CSMD1: variants seen among roughly 807,000 people sequenced by gnomAD.
CSMD1 encodes the protein CUB and sushi domain-containing protein 1.
CSMD1 carries 213 observed loss-of-function variants against 417.5 expected under a neutral mutation model. That is an observed-to-expected ratio of 0.51 (90% confidence interval 0.46 to 0.57). CSMD1 has a LOEUF of 0.57. Among genes scored for constraint, CSMD1 ranks in the 20% least tolerant of loss-of-function variants. CSMD1 has a pLI of 0.00. For missense variants in CSMD1, 6,923 were observed against 4,529.7 expected (o/e 1.53, Z -15.17); for synonymous variants, 2,862 against 1,736.8 (o/e 1.65, Z -16.11).
Position 4,504,577 on chromosome 8 carries a change from C to T in CSMD1, c.303-84512G>A, listed in dbSNP as rs564169408. On this transcript the variant is annotated intron_variant, in intron 2 of 69. Coordinates refer to ENST00000635120, the MANE Select transcript of CSMD1 (RefSeq NM_033225.6). ...TTTGCTGCACCTATCAACCCATCAT[C>T]TAGGTTTTAAGCCTCGCATGCATTA... Among the ~76,000 whole-genome samples the T allele has an allele frequency of 3.3e-5, 5 of 152,270 alleles. No individual in the cohort carries two copies. In the South Asian group the frequency reaches 1.0e-3, roughly 32 times the overall value.
chr8:3,776,838 A>G (rs1798917800), intron 5 of CSMD1, among the ~76,000 whole-genome samples: 1 of 151,562 alleles, frequency 6.6e-6, no homozygotes, highest in Admixed American at 6.6e-5. Context: ...ATGACAGATC[A>G]TACATAGAAT....
intron 68 of CSMD1, among the ~76,000 whole-genome samples, chr8:2,948,580 T>C (rs924728230): frequency 1.3e-5 from 2 of 152,158 alleles, no homozygotes; most frequent in Admixed American, 6.6e-5. Context: ...GTTTCATAGG[T>C]AGTATAATTT....
rs567017437 is a variant in CSMD1, at chr8:3,908,656, G to C, written c.818+89247C>G. ...CTGTCTTATTTTTTGTAATTGCTCT[G>C]CAGGGCCTACTCCAATAACATGAAA... is the stretch of plus-strand genomic sequence containing the variant. On this transcript the variant is annotated intron_variant, in intron 5 of 69. Transcript: ENST00000635120. Among the ~76,000 whole-genome samples the C allele has an allele frequency of 7.6e-4, 115 of 152,162 alleles. 1 individual carries two copies. The South Asian group carries it at 9.8e-3, about 13-fold the overall frequency.
At chr8:4,669,182 T>C (rs1323062592) in intron 1 of CSMD1, among the ~76,000 whole-genome samples, 1 of 152,216 alleles carries the variant, frequency 6.6e-6, no homozygotes, top group South Asian at 2.1e-4. Context: ...GTGAATACTT[T>C]GCCTTCTCTT....
intron 3 of CSMD1, among the ~76,000 whole-genome samples, chr8:4,263,469 C>T (rs1307156937): frequency 1.3e-5 from 2 of 152,142 alleles, no homozygotes; most frequent in Admixed American, 6.6e-5. Flanking sequence ...GTTGTTCCTT[C>T]CAAACTAGTC....
intron 10 of CSMD1, among the ~76,000 whole-genome samples, chr8:3,508,332 G>A (rs1294267061): frequency 7.1e-6 from 1 of 141,680 alleles, no homozygotes; most frequent in African/African-American, 2.6e-5. Flanking sequence ...ACAGGAAGGG[G>A]AACATCACAC....
At chr8:4,392,517 G>A (rs756461681) in intron 3 of CSMD1, among the ~76,000 whole-genome samples, 1 of 152,102 alleles carries the variant, frequency 6.6e-6, no homozygotes, top group Non-Finnish European at 1.5e-5. Flanking sequence ...CACGGTTTGT[G>A]TGTGGAGATG....
chr8:3,911,960 C>T (rs527577339), intron 5 of CSMD1, among the ~76,000 whole-genome samples: 3 of 152,192 alleles, frequency 2.0e-5, no homozygotes, highest in South Asian at 4.1e-4. Flanking sequence ...CTGAATCTTA[C>T]ATCTTCCCAC....
chr8:4,378,739 G>C (rs1210422973), intron 3 of CSMD1, among the ~76,000 whole-genome samples: 1 of 152,196 alleles, frequency 6.6e-6, no homozygotes. Flanking sequence ...AGGCCTTTGG[G>C]AGATTATGAG....
At chr8:3,727,531 C>T (rs1404560878) in intron 6 of CSMD1, among the ~76,000 whole-genome samples, 2 of 152,096 alleles carry the variant, frequency 1.3e-5, no homozygotes, top group Non-Finnish European at 2.9e-5. Context: ...TAAAATGAGG[C>T]AGCTGTCGTG....
chr8:4,440,744 C>T lies in CSMD1; in HGVS notation c.303-20679G>A, dbSNP rs188918351. ...GGTGTGGTGGTTCATGCCTATAATCCCAGCATTTTGGGAGGCCAGTGCGAG... is the reference window on the plus strand; with the variant it reads ...GGTGTGGTGGTTCATGCCTATAATCTCAGCATTTTGGGAGGCCAGTGCGAG... On this transcript the variant is annotated intron_variant, in intron 2 of 69. Coordinates refer to ENST00000635120, the MANE Select transcript of CSMD1 (RefSeq NM_033225.6). Among the ~76,000 whole-genome samples, 785 of 151,940 alleles carry T rather than the reference C, an allele frequency of 5.2e-3. 4 individuals are homozygous for T. The highest frequency in any genetic ancestry group is 0.018 in the African/African-American group (752 of 41,440).
At chr8:3,909,758 G>C (rs1230019937) in intron 5 of CSMD1, among the ~76,000 whole-genome samples, 1 of 152,108 alleles carries the variant, frequency 6.6e-6, no homozygotes, top group Admixed American at 6.6e-5. Flanking sequence ...TGACTCTGGA[G>C]CTAATACGAA....
chr8:3,119,664 G>A (rs955658229), intron 41 of CSMD1, among the ~76,000 whole-genome samples: 3 of 152,178 alleles, frequency 2.0e-5, no homozygotes, highest in Admixed American at 1.3e-4. Context: ...TCTGGGAAGA[G>A]GGCGTGAGTA....
intron 1 of CSMD1, among the ~76,000 whole-genome samples, chr8:4,745,770 C>T (rs563513539): frequency 1.1e-4 from 17 of 152,272 alleles, no homozygotes; most frequent in Non-Finnish European, 1.8e-4. Context: ...TATAGGAACA[C>T]GCATTTTTGA....
chr8:3,485,173 T>C (rs1817954395), intron 11 of CSMD1, among the ~76,000 whole-genome samples: 2 of 152,192 alleles, frequency 1.3e-5, no homozygotes, highest in Admixed American at 6.5e-5. Context: ...TGTCCATCTG[T>C]GGGTGAATAT....
intron 3 of CSMD1, among the ~76,000 whole-genome samples, chr8:4,125,779 G>A (rs1464585460): frequency 6.6e-6 from 1 of 152,060 alleles, no homozygotes; most frequent in Non-Finnish European, 1.5e-5. Flanking sequence ...AACTGATAGA[G>A]CCCTTATCAA....
chr8:3,364,581 A>C (rs1304949956), intron 20 of CSMD1, among the ~76,000 whole-genome samples: 1 of 152,172 alleles, frequency 6.6e-6, no homozygotes, highest in East Asian at 1.9e-4. Context: ...ATGTGCTGGA[A>C]ATTTGATCCC....
At chr8:4,728,290 T>C (rs1809607245) in intron 1 of CSMD1, among the ~76,000 whole-genome samples, 1 of 151,382 alleles carries the variant, frequency 6.6e-6, no homozygotes, top group Non-Finnish European at 1.5e-5. Context: ...AATAAAATTT[T>C]AATATTAGGT....
chr8:4,588,515 C>A (rs1323522117), intron 2 of CSMD1, among the ~76,000 whole-genome samples: 3 of 151,806 alleles, frequency 2.0e-5, no homozygotes, highest in Non-Finnish European at 4.4e-5. Flanking sequence ...TCTACTCTGG[C>A]CGGGCATGGT....
Sources: allele counts gnomAD v4.1 joint callset (sites outside exome capture counted in the v4.1 genomes callset), GRCh38; gene constraint gnomAD v4.1.1; transcripts MANE v1.5; gene names NCBI Gene and HGNC (gene_info 2026-07-23, HGNC 2026-07-21).